Variants in DTNB observed in about 807,000 individuals in gnomAD.
The protein encoded by DTNB is DTN-B.
Under a neutral mutation model 90.7 loss-of-function variants are expected in DTNB, and 63 were observed. The ratio of observed to expected loss-of-function variants is 0.69; its 90% CI spans 0.57 to 0.86. The LOEUF (loss-of-function observed/expected upper bound fraction) is 0.86, where lower values mean the gene tolerates loss of function less well. Ranked by LOEUF, DTNB falls within the 40% of genes least tolerant of loss-of-function variation. DTNB has a pLI of 0.00. For missense variants in DTNB, 744 were observed against 807.1 expected, an observed-to-expected ratio of 0.92 and a Z score of 0.95; for synonymous variants, 277 against 286.7, an observed-to-expected ratio of 0.97 and a Z score of 0.34.
chr2:25,575,503 A>G (rs1306384318), intron 8 of DTNB, among the ~76,000 whole-genome samples: 1 of 152,184 alleles, frequency 6.6e-6, no homozygotes, highest in Non-Finnish European at 1.5e-5. Context: ...ATCATTAATT[A>G]TAACAGAAAC....
At chr2:25,665,937 T>G (rs2084335829) in intron 1 of DTNB, among the ~76,000 whole-genome samples, 1 of 152,216 alleles carries the variant, frequency 6.6e-6, no homozygotes, top group Admixed American at 6.5e-5. Context: ...CTCACGGGGC[T>G]GTGGTAACTC....
At chr2:25,416,078 C>T (rs1396112403) in intron 16 of DTNB, among the ~76,000 whole-genome samples, 2 of 152,124 alleles carry the variant, frequency 1.3e-5, no homozygotes, top group Admixed American at 1.3e-4. Flanking sequence ...TGGGACAGAG[C>T]CCTTAACCTG....
intron 9 of DTNB, among the ~76,000 whole-genome samples, chr2:25,511,624 G>A (rs993433752): frequency 2.6e-5 from 4 of 152,154 alleles, no homozygotes; most frequent in Non-Finnish European, 4.4e-5. Context: ...GAGCCACCGC[G>A]CCCAATCGGG....
chr2:25,442,815 C>T (rs2057729769), intron 12 of DTNB, among the ~76,000 whole-genome samples: 1 of 152,200 alleles, frequency 6.6e-6, no homozygotes, highest in African/African-American at 2.4e-5. Flanking sequence ...TAACCTTGTT[C>T]TGCCTCGGTT....
rs372830178 is a variant in DTNB, at chr2:25,516,496, T to G, written c.1001+14977A>C. 8.0e-4 allele frequency among the ~76,000 whole-genome samples: 122 copies of G among 151,668 alleles called. 1 individual carries two copies. The East Asian group carries it at 0.019, about 24-fold the overall frequency. On this transcript the variant is annotated intron_variant, in intron 9 of 20. Coordinates refer to ENST00000406818, the MANE Select transcript of DTNB (RefSeq NM_021907.5). ...TCGAACTCCTGGCCTCAAGCAATCC[T>G]CCCACCCCAGACTCCCAAAGTGCTG...
intron 4 of DTNB, among the ~76,000 whole-genome samples, chr2:25,626,269 T>A (rs948934395): frequency 6.6e-6 from 1 of 152,212 alleles, no homozygotes; most frequent in African/African-American, 2.4e-5. Context: ...GTGTGACCCA[T>A]GAATTGGTTT....
chr2:25,485,190 A>C (rs904864724), intron 9 of DTNB, among the ~76,000 whole-genome samples: 2 of 152,190 alleles, frequency 1.3e-5, no homozygotes, highest in East Asian at 3.8e-4. Flanking sequence ...TTAATAAATA[A>C]TAGAGACAAG....
intron 2 of DTNB, among the ~76,000 whole-genome samples, chr2:25,643,424 A>G (rs2078779058): frequency 6.6e-6 from 1 of 152,256 alleles, no homozygotes; most frequent in Admixed American, 6.5e-5. Flanking sequence ...TGCTAACTAG[A>G]ACACAATAAA....
At chr2:25,663,198 T>C (rs1449759041) in intron 1 of DTNB, among the ~76,000 whole-genome samples, 1 of 152,220 alleles carries the variant, frequency 6.6e-6, no homozygotes, top group Non-Finnish European at 1.5e-5. Flanking sequence ...CTGCTGAGAA[T>C]GATGGCTTCC....
chr2:25,472,545 G>A (rs1022494170), intron 10 of DTNB, among the ~76,000 whole-genome samples: 2 of 152,260 alleles, frequency 1.3e-5, no homozygotes, highest in Middle Eastern at 3.4e-3. Flanking sequence ...GAACTGTGTG[G>A]CCATCAGCTA....
chr2:25,406,642 A>C (rs1659972681), intron 16 of DTNB, among the ~76,000 whole-genome samples: 3 of 152,124 alleles, frequency 2.0e-5, no homozygotes, highest in African/African-American at 7.2e-5. Flanking sequence ...CACATACAAC[A>C]ACTACTTGCA....
Position 25,611,006 on chromosome 2 carries a change from A to G in DTNB, c.363-3685T>C, listed in dbSNP as rs1390054095. Among the ~76,000 whole-genome samples, 4 of 152,178 alleles carry G rather than the reference A, an allele frequency of 2.6e-5. 1 individual carries two copies. Among genetic ancestry groups the G allele is most frequent in the Non-Finnish European group, 4.4e-5 (3 of 68,004 alleles). ...ATTGCAGGCGTGAGCCACTGCACCC[A>G]GCCCAGTAACATCTATCCTGACTTC... is the stretch of plus-strand genomic sequence containing the variant. On this transcript the variant is annotated intron_variant, in intron 4 of 20. Coordinates refer to ENST00000406818, the MANE Select transcript of DTNB (RefSeq NM_021907.5).
intron 8 of DTNB, among the ~76,000 whole-genome samples, chr2:25,545,071 T>A (rs574322487): frequency 6.6e-6 from 1 of 152,242 alleles, no homozygotes; most frequent in African/African-American, 2.4e-5. Flanking sequence ...CTTTTATCTG[T>A]GTTCAGCACT....
intron 10 of DTNB, among the ~76,000 whole-genome samples, chr2:25,461,281 A>G (rs1190345567): frequency 6.6e-6 from 1 of 152,242 alleles, no homozygotes; most frequent in East Asian, 1.9e-4. Flanking sequence ...AAGCATTCTT[A>G]GTAGTTAGAT....
chr2:25,383,662 C>G, intron 19 of DTNB, 174 bp downstream of exon 19: 1 of 1,401,594 alleles, frequency 7.1e-7, no homozygotes, highest in Admixed American at 2.5e-5. Context: ...CTGACCTTGT[C>G]ACCTGGAAGG....
chr2:25,381,229 A>G (rs924327234), intron 19 of DTNB, among the ~76,000 whole-genome samples: 17 of 152,202 alleles, frequency 1.1e-4, no homozygotes, highest in African/African-American at 3.4e-4. Context: ...GCGTGTTTGC[A>G]GCATGTGTTT....
At position 25,496,618 on chromosome 2, in the gene DTNB, C is replaced by T. The variant is rs560382949; in HGVS notation, c.1002-13745G>A. On this transcript the variant is annotated intron_variant, in intron 9 of 20. Coordinates refer to ENST00000406818, the MANE Select transcript of DTNB (RefSeq NM_021907.5). Reference sequence around the variant, plus strand: ...CAGCACTTTGGGAGGCTGAGGCAGGCGGATCACCTGAGGTCAAAAGTTCAA... The same window carrying T: ...CAGCACTTTGGGAGGCTGAGGCAGGTGGATCACCTGAGGTCAAAAGTTCAA... 3.0e-4 allele frequency among the ~76,000 whole-genome samples: 46 copies of T among 152,132 alleles called. 1 individual carries two copies. Among genetic ancestry groups the T allele is most frequent in the African/African-American group, 1.0e-3 (43 of 41,514 alleles).
chr2:25,623,421 T>C (rs1310773381), intron 4 of DTNB, among the ~76,000 whole-genome samples: 1 of 152,196 alleles, frequency 6.6e-6, no homozygotes, highest in Non-Finnish European at 1.5e-5. Flanking sequence ...ACATGGAGGC[T>C]TGGACTTGCC....
intron 1 of DTNB, among the ~76,000 whole-genome samples, chr2:25,668,178 G>T (rs1044826731): frequency 6.6e-6 from 1 of 152,142 alleles, no homozygotes; most frequent in Non-Finnish European, 1.5e-5. Flanking sequence ...GGCAGAGCTC[G>T]CAGTGAGCCG....
Sources: gnomAD v4.1 joint callset for allele counts (sites outside exome capture counted in the v4.1 genomes callset) on GRCh38, gnomAD v4.1.1 for gene constraint, MANE v1.5 for transcripts, NCBI Gene and HGNC (gene_info 2026-07-23, HGNC 2026-07-21) for gene names.